OPA1: variants seen among roughly 807,000 people sequenced by gnomAD.
OPA1 encodes OPA1 mitochondrial dynamin like GTPase, also known as dynamin-like GTPase OPA1, mitochondrial.
OPA1 carries 59 observed loss-of-function variants against 152.9 expected under a neutral mutation model. That is an observed-to-expected ratio of 0.39 (90% confidence interval 0.31 to 0.48). The LOEUF (loss-of-function observed/expected upper bound fraction) is 0.48. Ranked by LOEUF, OPA1 falls within the 20% of genes least tolerant of loss-of-function variation. OPA1 has a pLI of 0.96. For missense variants in OPA1, 1,008 were observed against 1,216.8 expected, an observed-to-expected ratio of 0.83 and a Z score of 2.55; for synonymous variants, 400 against 389.9, an observed-to-expected ratio of 1.03 and a Z score of -0.31.
chr3:193,691,464 A>G (rs1721671828), intron 29 of OPA1: 1 of 151,546 alleles, frequency 6.6e-6, no homozygotes, highest in Non-Finnish European at 1.5e-5. Context: ...ACTTTTTTGT[A>G]TGTATTTTTA....
intron 1 of OPA1, among the ~76,000 whole-genome samples, chr3:193,611,080 C>A (rs1384427996): frequency 6.6e-6 from 1 of 152,186 alleles, no homozygotes; most frequent in Non-Finnish European, 1.5e-5. Flanking sequence ...TGAGATGAAC[C>A]CAGTACCTCA....
intron 21 of OPA1, among the ~76,000 whole-genome samples, chr3:193,652,108 C>T (rs1051069874): frequency 6.6e-6 from 1 of 152,124 alleles, no homozygotes; most frequent in African/African-American, 2.4e-5. Flanking sequence ...AGTCCAGGCA[C>T]GGTGGCTCAT....
chr3:193,623,147 C>G (rs185670120), intron 6 of OPA1, among the ~76,000 whole-genome samples: 1 of 152,116 alleles, frequency 6.6e-6, no homozygotes, highest in Non-Finnish European at 1.5e-5. Flanking sequence ...GATGCCTTCT[C>G]CCTATATCCT....
chr3:193,658,468 A>G (rs1714451035), intron 23 of OPA1, among the ~76,000 whole-genome samples: 1 of 152,172 alleles, frequency 6.6e-6, no homozygotes, highest in Admixed American at 6.5e-5. Context: ...ATAATGGTTA[A>G]TAATTTTTTT....
intron 1 of OPA1, among the ~76,000 whole-genome samples, chr3:193,596,364 A>ATTTTT (rs1725551742): frequency 2.9e-5 from 2 of 69,708 alleles, no homozygotes; most frequent in African/African-American, 1.1e-4. Context: ...TTCTTTTCTT[A>ATTTTT]ATTTTCTTTT....
Position 193,643,353 on chromosome 3 carries a change from T to C in OPA1, c.1306-20T>C. 6.3e-7 allele frequency: 1 copy of C among 1,585,674 alleles called. No individual in the cohort carries two copies. The highest frequency in any genetic ancestry group is 8.7e-7 in the Non-Finnish European group (1 of 1,154,588). On this transcript the variant is annotated intron_variant, in intron 13 of 30. Coordinates refer to ENST00000361510, the MANE Select transcript of OPA1 (RefSeq NM_130837.3). The stretch of plus-strand genomic sequence containing the variant: ...CCCCCCAAACTTTAGCATTGTTTTA[T>C]TTTTATTTTTCCTGAGTAGACCATA...
intron 30 of OPA1, among the ~76,000 whole-genome samples, chr3:193,693,511 A>T (rs1721948049): frequency 1.3e-5 from 2 of 152,120 alleles, no homozygotes; most frequent in South Asian, 2.1e-4. Flanking sequence ...GTGCTGGCAC[A>T]TGCCTGTAAT....
intron 16 of OPA1, among the ~76,000 whole-genome samples, chr3:193,644,650 G>A (rs1245737472): frequency 6.6e-6 from 1 of 152,120 alleles, no homozygotes; most frequent in Non-Finnish European, 1.5e-5. Flanking sequence ...CATAACCTCT[G>A]TTCTGCTTTC....
chr3:193,659,874 G>A (rs1001975607), intron 25 of OPA1, among the ~76,000 whole-genome samples: 5 of 152,030 alleles, frequency 3.3e-5, no homozygotes, highest in African/African-American at 1.2e-4. Context: ...GGCCAGGCAC[G>A]GTGTCTCATT....
chr3:193,668,098 G>A (rs916564957), intron 29 of OPA1, among the ~76,000 whole-genome samples: 4 of 152,118 alleles, frequency 2.6e-5, no homozygotes, highest in Non-Finnish European at 5.9e-5. Context: ...CCTAAATCAT[G>A]TGTATATTTA....
intron 29 of OPA1, among the ~76,000 whole-genome samples, chr3:193,688,039 T>G (rs898233418): frequency 1.3e-5 from 2 of 152,182 alleles, no homozygotes; most frequent in Non-Finnish European, 2.9e-5. Context: ...TATGTGTATC[T>G]TGCCTCCTGT....
Position 193,637,859 on chromosome 3 carries a change from A to G in OPA1, c.1036-93A>G. On this transcript the variant is annotated intron_variant, in intron 10 of 30. Coordinates refer to ENST00000361510, the MANE Select transcript of OPA1 (RefSeq NM_130837.3). The stretch of plus-strand genomic sequence containing the variant: ...TTTTTTCACCTGTAGAAATTTTAAA[A>G]GACTAAAAAACTCAGAGCAGCATTA... 4.9e-6 allele frequency: 5 copies of G among 1,027,590 alleles called. No individual in the cohort carries two copies. In the South Asian group the frequency reaches 6.9e-5, roughly 14 times the overall value. 63.7% of individuals were successfully genotyped at this position (1,027,590 alleles called of 1,614,324 possible).
chr3:193,683,634 C>T (rs1259982608), intron 29 of OPA1, among the ~76,000 whole-genome samples: 2 of 152,138 alleles, frequency 1.3e-5, no homozygotes, highest in South Asian at 2.1e-4. Context: ...CCTGCAACAG[C>T]CACCACCCTG....
At chr3:193,652,799 G>C (rs1712842572) in intron 21 of OPA1, among the ~76,000 whole-genome samples, 4 of 152,144 alleles carry the variant, frequency 2.6e-5, no homozygotes, top group Admixed American at 2.6e-4. Context: ...GCTTGGCGAT[G>C]AAAGGCAGGA....
At position 193,622,927 on chromosome 3, in the gene OPA1, C is replaced by T. The variant is rs372521257; in HGVS notation, c.679-3165C>T. Among the ~76,000 whole-genome samples the T allele has an allele frequency of 1.7e-4, 26 of 152,218 alleles. 1 individual carries two copies. In the South Asian group the frequency reaches 5.4e-3, roughly 32 times the overall value. On this transcript the variant is annotated intron_variant, in intron 6 of 30. Coordinates refer to ENST00000361510, the MANE Select transcript of OPA1 (RefSeq NM_130837.3). ...TTGCTCTCATTACCTGCAAATTCTC[C>T]CTGGCCTTCATATTTGGCAACCATT...
intron 29 of OPA1, among the ~76,000 whole-genome samples, chr3:193,682,207 T>G (rs987716805): frequency 2.0e-5 from 3 of 152,256 alleles, no homozygotes; most frequent in African/African-American, 7.2e-5. Flanking sequence ...TAACATTCCC[T>G]TAAGCTAAAA....
rs564280787 is a variant in OPA1 at position 193,660,304 on chromosome 3, G to A, written c.2520+743G>A. 4.3e-4 allele frequency among the ~76,000 whole-genome samples: 66 copies of A among 152,006 alleles called. No homozygotes were observed. The South Asian group carries it at 6.7e-3, about 15-fold the overall frequency. ...ATCTAGCATTCAGTCTTATACCACT[G>A]TCTCATTCCTTGTTCATTCCTTAAA... is the stretch of plus-strand genomic sequence containing the variant. On this transcript the variant is annotated intron_variant, in intron 25 of 30. Transcript: ENST00000361510.
chr3:193,650,234 A>G (rs1183724633), intron 21 of OPA1, among the ~76,000 whole-genome samples: 2 of 152,178 alleles, frequency 1.3e-5, no homozygotes, highest in Non-Finnish European at 2.9e-5. Context: ...ATACCACCAG[A>G]TTGCCCATTG....
chr3:193,593,664 G>T (rs934302120), intron 1 of OPA1, among the ~76,000 whole-genome samples: 2 of 152,120 alleles, frequency 1.3e-5, no homozygotes, highest in Non-Finnish European at 2.9e-5. Flanking sequence ...ATCTTGGCCC[G>T]TCTCTATTGT....
Sources: gnomAD v4.1 joint callset for allele counts (sites outside exome capture counted in the v4.1 genomes callset) on GRCh38, gnomAD v4.1.1 for gene constraint, MANE v1.5 for transcripts, NCBI Gene and HGNC (gene_info 2026-07-23, HGNC 2026-07-21) for gene names.